PHACTR1: variants seen among roughly 807,000 people sequenced by gnomAD.
The protein encoded by PHACTR1 is phosphatase and actin regulator 1.
Under a neutral mutation model 69.2 loss-of-function variants are expected in PHACTR1, and 16 were observed. The ratio of observed to expected loss-of-function variants is 0.23; its 90% confidence interval spans 0.16 to 0.35. The LOEUF is 0.35. Among genes scored for constraint, PHACTR1 ranks in the 10% least tolerant of loss-of-function variants. The probability of loss-of-function intolerance (pLI) is 1.00; values close to 1 mark genes in which losing one functional copy is unlikely to be tolerated. For missense variants in PHACTR1, 510 were observed against 734.7 expected, an observed-to-expected ratio of 0.69 and a Z score of 3.54; for synonymous variants, 312 against 284.5, an observed-to-expected ratio of 1.10 and a Z score of -0.97.
At chr6:13,201,065 C>T (rs12192347) in intron 7 of PHACTR1, among the ~76,000 whole-genome samples, 1 of 152,178 alleles carries the variant, frequency 6.6e-6, no homozygotes, top group South Asian at 2.1e-4. Context: ...AGTCCTGGTC[C>T]TGAGGACCAC....
intron 4 of PHACTR1, among the ~76,000 whole-genome samples, chr6:13,020,416 C>T (rs1338253237): frequency 6.6e-6 from 1 of 152,188 alleles, no homozygotes; most frequent in African/African-American, 2.4e-5. Flanking sequence ...AGAATGAGTT[C>T]CTGCTCTGAG....
At chr6:12,909,833 C>T (rs1288981399) in intron 4 of PHACTR1, among the ~76,000 whole-genome samples, 1 of 152,190 alleles carries the variant, frequency 6.6e-6, no homozygotes, top group Non-Finnish European at 1.5e-5. Context: ...AGAAGACATG[C>T]CCAGTAGCGT....
intron 6 of PHACTR1, among the ~76,000 whole-genome samples, chr6:13,173,403 C>T (rs1354902057): frequency 6.6e-6 from 1 of 152,098 alleles, no homozygotes; most frequent in African/African-American, 2.4e-5. Context: ...ATTTAAAATT[C>T]CTTAAAATGA....
chr6:13,003,963 A>ATATATATATATATATATATATATATATG (rs890144098), intron 4 of PHACTR1, among the ~76,000 whole-genome samples: 1 of 90,252 alleles, frequency 1.1e-5, no homozygotes, highest in South Asian at 3.8e-4. Flanking sequence ...ATATATATAT[A>ATATATATATATATATATATATATATATG]TGTATATATA....
chr6:12,852,810 G>A (rs577891146), intron 4 of PHACTR1, among the ~76,000 whole-genome samples: 2 of 152,294 alleles, frequency 1.3e-5, no homozygotes, highest in Admixed American at 6.5e-5. Context: ...TCCTCACTCT[G>A]ATAGTTTATG....
chr6:13,165,044 G>A (rs1759588977), intron 6 of PHACTR1, among the ~76,000 whole-genome samples: 1 of 152,004 alleles, frequency 6.6e-6, no homozygotes, highest in Non-Finnish European at 1.5e-5. Context: ...GAAATAGTTT[G>A]ATCTCTAGAT....
chr6:12,844,360 G>A (rs530266296), intron 4 of PHACTR1, among the ~76,000 whole-genome samples: 12 of 152,122 alleles, frequency 7.9e-5, no homozygotes, highest in African/African-American at 2.4e-4. Context: ...TCACACCACC[G>A]CACTCCATCC....
intron 7 of PHACTR1, among the ~76,000 whole-genome samples, chr6:13,200,410 T>TGCTGG (rs1765051770): frequency 6.6e-6 from 1 of 151,496 alleles, no homozygotes. Flanking sequence ...GGGGTCAAAG[T>TGCTGG]GCTGGGATTA....
At chr6:12,769,740 C>G (rs1455343041) in intron 4 of PHACTR1, among the ~76,000 whole-genome samples, 1 of 152,180 alleles carries the variant, frequency 6.6e-6, no homozygotes, top group Non-Finnish European at 1.5e-5. Context: ...CACAGACAGA[C>G]TCGGGCTGAG....
intron 4 of PHACTR1, among the ~76,000 whole-genome samples, chr6:12,900,864 C>T (rs967451561): frequency 3.3e-5 from 5 of 152,078 alleles, no homozygotes; most frequent in Admixed American, 1.3e-4. Context: ...GATGTTTAAA[C>T]CTCTTTTGCT....
intron 4 of PHACTR1, among the ~76,000 whole-genome samples, chr6:13,005,753 C>A (rs1000734290): frequency 6.6e-6 from 1 of 152,130 alleles, no homozygotes; most frequent in Non-Finnish European, 1.5e-5. Context: ...AATTCGACGT[C>A]ATATTTCCCA....
At chr6:13,240,406 A>T (rs917183843) in intron 10 of PHACTR1, among the ~76,000 whole-genome samples, 7 of 151,732 alleles carry the variant, frequency 4.6e-5, no homozygotes, top group African/African-American at 1.7e-4. Context: ...GTTTCTTAGG[A>T]TATTCGTTGT....
chr6:13,253,079 G>A (rs1175515320), intron 10 of PHACTR1: 2 of 453,630 alleles, frequency 4.4e-6, no homozygotes, highest in Non-Finnish European at 8.9e-6. Context: ...GGAGGGAAAG[G>A]ATCGGGATTC....
intron 7 of PHACTR1, among the ~76,000 whole-genome samples, chr6:13,191,224 TTATC>T (rs1314705471): frequency 6.6e-6 from 1 of 150,654 alleles, no homozygotes; most frequent in Middle Eastern, 3.2e-3. Flanking sequence ...AGCTTGGACT[TTATC>T]TATGCCTTTA....
intron 4 of PHACTR1, among the ~76,000 whole-genome samples, chr6:12,764,593 C>T (rs1002023527): frequency 7.9e-5 from 12 of 152,130 alleles, no homozygotes; most frequent in African/African-American, 1.9e-4. Context: ...TGGGAGAACA[C>T]GGTTTCAAGG....
chr6:12,768,928 G>A (rs995606953), intron 4 of PHACTR1, among the ~76,000 whole-genome samples: 6 of 150,946 alleles, frequency 4.0e-5, no homozygotes, highest in Non-Finnish European at 5.9e-5. Flanking sequence ...GGGCAAACTC[G>A]GAGGACATTA....
chr6:13,002,377 T>C (rs967070463), intron 4 of PHACTR1, among the ~76,000 whole-genome samples: 22 of 152,364 alleles, frequency 1.4e-4, no homozygotes, highest in African/African-American at 5.0e-4. Context: ...ATTTTTTTTA[T>C]TTCAGTACTC....
intron 7 of PHACTR1, among the ~76,000 whole-genome samples, chr6:13,192,091 A>G (rs978812645): frequency 2.0e-5 from 3 of 152,246 alleles, no homozygotes; most frequent in African/African-American, 4.8e-5. Context: ...GCTATGTGCA[A>G]GGTGTTCTGC....
intron 8 of PHACTR1, among the ~76,000 whole-genome samples, chr6:13,212,457 C>T (rs73725624): frequency 0.023 from 3,460 of 151,808 alleles, 130 homozygotes; most frequent in African/African-American, 0.076. Flanking sequence ...GATTCTGGTA[C>T]AGATCTCTGC....
Sources: allele counts gnomAD v4.1 joint callset (sites outside exome capture counted in the v4.1 genomes callset), GRCh38; gene constraint gnomAD v4.1.1; transcripts MANE v1.5; gene names NCBI Gene and HGNC (gene_info 2026-07-23, HGNC 2026-07-21).